ENTREP2: variants seen among roughly 807,000 people sequenced by gnomAD.
ENTREP2 encodes protein ENTREP2.
At chr15:29,195,768 G>A in the ENTREP2 span, among the ~76,000 whole-genome samples, 13 of 152,120 alleles carry the variant, frequency 8.5e-5, no homozygotes, top group South Asian at 2.1e-3. Context: ...CAAGTGGTCC[G>A]GCTGCCTCAG....
the ENTREP2 span, among the ~76,000 whole-genome samples, chr15:29,448,862 T>C: frequency 6.6e-6 from 1 of 152,136 alleles, no homozygotes. Flanking sequence ...AATCTGAAAG[T>C]ATAAAAGATA....
At chr15:29,386,322 C>T in the ENTREP2 span, among the ~76,000 whole-genome samples, 10 of 152,260 alleles carry the variant, frequency 6.6e-5, no homozygotes, top group South Asian at 1.5e-3. Flanking sequence ...TAGACGATGC[C>T]GTGGAGATGG....
the ENTREP2 span, among the ~76,000 whole-genome samples, chr15:29,519,249 CAATA>C: frequency 3.3e-5 from 5 of 151,858 alleles, no homozygotes; most frequent in Admixed American, 2.0e-4. Context: ...TCAGGATTAT[CAATA>C]AATATACAGC....
chr15:29,483,910 C>T, the ENTREP2 span, among the ~76,000 whole-genome samples: 67 of 152,228 alleles, frequency 4.4e-4, no homozygotes, highest in African/African-American at 1.3e-3. Context: ...CTATAGTCTA[C>T]GTTTCAGCTG....
At chr15:29,160,642 G>T in the ENTREP2 span, among the ~76,000 whole-genome samples, 1,338 of 145,350 alleles carry the variant, frequency 9.2e-3, 17 homozygotes, top group African/African-American at 0.032. Flanking sequence ...CTGGGAGGCA[G>T]AGGTTGCAGT....
chr15:29,625,184 A>G, the ENTREP2 span, among the ~76,000 whole-genome samples: 49 of 152,340 alleles, frequency 3.2e-4, no homozygotes, highest in African/African-American at 1.1e-3. Flanking sequence ...CTTAATATCC[A>G]TCCAAGCTAC....
chr15:29,321,615 C>T, the ENTREP2 span, among the ~76,000 whole-genome samples: 4 of 148,354 alleles, frequency 2.7e-5, no homozygotes, highest in East Asian at 5.9e-4. Context: ...TGCCACTGTA[C>T]TCCAGCCTGG....
the ENTREP2 span, among the ~76,000 whole-genome samples, chr15:29,159,356 G>C: frequency 6.6e-6 from 1 of 152,190 alleles, no homozygotes; most frequent in African/African-American, 2.4e-5. Flanking sequence ...AGCTCATAAA[G>C]GCAAGGTGGA....
chr15:29,276,131 G>A, the ENTREP2 span, among the ~76,000 whole-genome samples: 1 of 152,178 alleles, frequency 6.6e-6, no homozygotes, highest in Non-Finnish European at 1.5e-5. Context: ...TTTTGATGAA[G>A]CAGCAACAGA....
chr15:29,451,646 G>A, the ENTREP2 span, among the ~76,000 whole-genome samples: 1 of 152,262 alleles, frequency 6.6e-6, no homozygotes, highest in East Asian at 1.9e-4. Flanking sequence ...CCACGGGAGG[G>A]TCTTCACTAT....
chr15:29,253,217 C>T, the ENTREP2 span, among the ~76,000 whole-genome samples: 1 of 152,176 alleles, frequency 6.6e-6, no homozygotes, highest in Non-Finnish European at 1.5e-5. Context: ...TGTGGTACAA[C>T]TGGCTGTTAG....
At chr15:29,339,958 T>C in the ENTREP2 span, among the ~76,000 whole-genome samples, 1 of 152,234 alleles carries the variant, frequency 6.6e-6, no homozygotes, top group Non-Finnish European at 1.5e-5. Flanking sequence ...ACAAGGTTCT[T>C]ATTTCATTTT....
the ENTREP2 span, chr15:29,268,704 C>G: frequency 7.3e-7 from 1 of 1,371,534 alleles, no homozygotes; most frequent in East Asian, 2.3e-5. Flanking sequence ...AATATGCTCC[C>G]TGGGTTCGTT....
At chr15:29,369,600 C>A in the ENTREP2 span, among the ~76,000 whole-genome samples, 1 of 151,862 alleles carries the variant, frequency 6.6e-6, no homozygotes, top group Non-Finnish European at 1.5e-5. Flanking sequence ...TAAACACACA[C>A]ACACACACAC....
At chr15:29,331,528 G>C in the ENTREP2 span, among the ~76,000 whole-genome samples, 354 of 152,214 alleles carry the variant, frequency 2.3e-3, 1 homozygote, top group African/African-American at 8.3e-3. Context: ...ATCCAGTTTC[G>C]AGCAGGAGGG....
chr15:29,342,707 T>A, the ENTREP2 span, among the ~76,000 whole-genome samples: 1 of 152,188 alleles, frequency 6.6e-6, no homozygotes, highest in Non-Finnish European at 1.5e-5. Flanking sequence ...ATCTTACTGT[T>A]GTTTTAATTG....
chr15:29,365,906 G>A, the ENTREP2 span, among the ~76,000 whole-genome samples: 47 of 152,114 alleles, frequency 3.1e-4, 1 homozygote, highest in African/African-American at 1.0e-3. Flanking sequence ...GCAACCCCCC[G>A]AATCAAGGTG....
chr15:29,203,761 T>C, the ENTREP2 span, among the ~76,000 whole-genome samples: 3 of 152,184 alleles, frequency 2.0e-5, no homozygotes, highest in Admixed American at 2.0e-4. Flanking sequence ...CTGTTTCCCT[T>C]TGCTGTGATC....
At chr15:29,277,582 C>T in the ENTREP2 span, among the ~76,000 whole-genome samples, 70 of 152,176 alleles carry the variant, frequency 4.6e-4, 1 homozygote, top group East Asian at 0.013. Context: ...CTAATGCTGC[C>T]GCTTATCTGA....
Sources: gnomAD v4.1 joint callset for allele counts (sites outside exome capture counted in the v4.1 genomes callset) on GRCh38, gnomAD v4.1.1 for gene constraint, MANE v1.5 for transcripts, NCBI Gene and HGNC (gene_info 2026-07-23, HGNC 2026-07-21) for gene names.